Variants in ZNF609 observed in about 807,000 individuals in gnomAD.
ZNF609 encodes the protein zinc finger protein 609.
In ZNF609, 11 loss-of-function variants were observed where a neutral mutation model predicts 109.5. The observed-to-expected ratio is 0.10, with a 90% CI of 0.06 to 0.17. The LOEUF (loss-of-function observed/expected upper bound fraction) is 0.17. ZNF609 is among the 10% of genes least tolerant of loss of function. The pLI, the probability that ZNF609 is intolerant of heterozygous loss-of-function variation, is 1.00. For missense variants in ZNF609, 1,559 were observed against 1,772.4 expected, an observed-to-expected ratio of 0.88 and a Z score of 2.16; for synonymous variants, 646 against 662.0, an observed-to-expected ratio of 0.98 and a Z score of 0.37.
intron 1 of ZNF609, among the ~76,000 whole-genome samples, chr15:64,479,124 C>T (rs1893212822): frequency 6.6e-6 from 1 of 151,930 alleles, no homozygotes. Flanking sequence ...CTATCTGACA[C>T]AGTGGGAAGT....
At chr15:64,500,514 C>T (rs1893546387) in intron 2 of ZNF609, 1 of 613,674 alleles carries the variant, frequency 1.6e-6, no homozygotes, top group African/African-American at 1.8e-5. Flanking sequence ...TTATTTGTTT[C>T]CCAGCTTGAC....
intron 2 of ZNF609, among the ~76,000 whole-genome samples, chr15:64,605,606 G>C (rs981897146): frequency 1.2e-4 from 19 of 152,104 alleles, no homozygotes; most frequent in African/African-American, 4.6e-4. Flanking sequence ...ATGACCTTAT[G>C]AAATATAGGT....
At chr15:64,546,930 A>G (rs913621716) in intron 2 of ZNF609, among the ~76,000 whole-genome samples, 10 of 151,168 alleles carry the variant, frequency 6.6e-5, no homozygotes, top group African/African-American at 2.4e-4. Context: ...AGCTGGGACC[A>G]CAGGCGCACG....
chr15:64,651,049 C>T (rs1431200802), intron 3 of ZNF609, among the ~76,000 whole-genome samples: 3 of 152,018 alleles, frequency 2.0e-5, no homozygotes, highest in South Asian at 4.2e-4. Context: ...AGTTTTGAGG[C>T]AACTTTGTGA....
chr15:64,668,072 A>T (rs1046175875), intron 3 of ZNF609, among the ~76,000 whole-genome samples: 2 of 152,232 alleles, frequency 1.3e-5, no homozygotes, highest in Admixed American at 1.3e-4. Flanking sequence ...TGTTGTACTG[A>T]GTCCCTAGGG....
intron 2 of ZNF609, among the ~76,000 whole-genome samples, chr15:64,607,888 TTTCTTTC>T (rs1230792856): frequency 0.032 from 404 of 12,642 alleles, 9 homozygotes; most frequent in African/African-American, 0.044. Context: ...TCTTCTTTCT[TTTCTTTC>T]TTTTTTTTTT....
chr15:64,668,845 TG>T (rs1896686343), intron 3 of ZNF609, among the ~76,000 whole-genome samples: 1 of 146,672 alleles, frequency 6.8e-6, no homozygotes, highest in Non-Finnish European at 1.5e-5. Context: ...CCTAGCTACT[TG>T]GGAGGCTGAG....
intron 3 of ZNF609, among the ~76,000 whole-genome samples, chr15:64,642,515 C>T (rs1896277094): frequency 6.6e-6 from 1 of 152,060 alleles, no homozygotes; most frequent in South Asian, 2.1e-4. Context: ...AAAGTTTGAC[C>T]AGACACAGTG....
chr15:64,665,197 C>T (rs750421532), intron 3 of ZNF609, among the ~76,000 whole-genome samples: 29 of 152,140 alleles, frequency 1.9e-4, no homozygotes, highest in Non-Finnish European at 4.0e-4. Context: ...CTGGATGACC[C>T]CCTGCAATCC....
intron 1 of ZNF609, among the ~76,000 whole-genome samples, chr15:64,491,839 C>T (rs994988937): frequency 1.3e-5 from 2 of 148,572 alleles, no homozygotes; most frequent in Non-Finnish European, 3.0e-5. Context: ...AGCAAGATTC[C>T]GTCTCAAAAA....
intron 2 of ZNF609, chr15:64,501,762 A>G (rs575459193): frequency 1.3e-5 from 2 of 152,308 alleles, no homozygotes; most frequent in East Asian, 3.9e-4. Flanking sequence ...TCATTCTCCT[A>G]TCTAAATTTT....
In ZNF609 at chr15:64,554,199, T is replaced by C. The variant is rs943375719; in HGVS notation, c.747+54033T>C. Among the ~76,000 whole-genome samples the C allele has an allele frequency of 2.6e-5, 4 of 152,324 alleles. No homozygotes were observed. The South Asian group carries it at 6.2e-4, about 24-fold the overall frequency. On this transcript the variant is annotated intron_variant, in intron 2 of 9. Transcript: ENST00000326648. ...CCGTTTTTACCATTAAATATGACGT[T>C]AGCTGTAGTTTTTTCATAGATTTTC...
At chr15:64,475,343 C>G (rs1956009290) in intron 1 of ZNF609, among the ~76,000 whole-genome samples, 1 of 150,714 alleles carries the variant, frequency 6.6e-6, no homozygotes, top group Admixed American at 6.6e-5. Flanking sequence ...TCCTCTTTAT[C>G]TCTAACTTTT....
intron 2 of ZNF609, among the ~76,000 whole-genome samples, chr15:64,578,334 G>T (rs62023975): frequency 0.11 from 16,300 of 151,962 alleles, 1,181 homozygotes; most frequent in Non-Finnish European, 0.16. Flanking sequence ...TTATCTTATA[G>T]ATTTTGGAGT....
At chr15:64,542,560 T>C (rs1169459090) in intron 2 of ZNF609, among the ~76,000 whole-genome samples, 1 of 152,216 alleles carries the variant, frequency 6.6e-6, no homozygotes, top group Non-Finnish European at 1.5e-5. Flanking sequence ...TATATTTTAA[T>C]CAGTGCATCC....
At chr15:64,648,311 C>T (rs1047904255) in intron 3 of ZNF609, among the ~76,000 whole-genome samples, 1 of 152,116 alleles carries the variant, frequency 6.6e-6, no homozygotes, top group Non-Finnish European at 1.5e-5. Context: ...CATAGCAAAA[C>T]CTTGTCTCTA....
chr15:64,657,174 A>G (rs1896502201), intron 3 of ZNF609, among the ~76,000 whole-genome samples: 1 of 151,152 alleles, frequency 6.6e-6, no homozygotes, highest in African/African-American at 2.4e-5. Flanking sequence ...CAGGAGAATC[A>G]CTTGAACCCA....
chr15:64,628,378 C>T (rs972590592), intron 3 of ZNF609, among the ~76,000 whole-genome samples: 35 of 151,902 alleles, frequency 2.3e-4, no homozygotes, highest in Admixed American at 1.6e-3. Context: ...AACAAGTGGA[C>T]GGGCACGGTG....
At chr15:64,657,286 A>T (rs1896504287) in intron 3 of ZNF609, among the ~76,000 whole-genome samples, 1 of 151,566 alleles carries the variant, frequency 6.6e-6, no homozygotes, top group Non-Finnish European at 1.5e-5. Flanking sequence ...TATAAAAAAT[A>T]ATAGGTATTA....
Sources: allele counts gnomAD v4.1 joint callset (sites outside exome capture counted in the v4.1 genomes callset), GRCh38; gene constraint gnomAD v4.1.1; transcripts MANE v1.5; gene names NCBI Gene and HGNC (gene_info 2026-07-23, HGNC 2026-07-21).